The following ABR variants were observed in gnomAD, a reference collection of about 807,000 sequenced individuals.
The protein encoded by ABR is active breakpoint cluster region-related protein.
ABR carries 35 observed loss-of-function variants against 107.2 expected under a neutral mutation model. The ratio of observed to expected loss-of-function variants is 0.33; its 90% CI spans 0.25 to 0.43. The LOEUF is 0.43. Ranked by LOEUF, ABR falls within the 20% of genes least tolerant of loss-of-function variation. The pLI, the probability that ABR is intolerant of heterozygous loss-of-function variation, is 1.00. For missense variants in ABR, 815 were observed against 1,115.2 expected (o/e 0.73, Z 3.83); for synonymous variants, 498 against 462.0 (o/e 1.08, Z -1.00).
intron 1 of ABR, among the ~76,000 whole-genome samples, chr17:1,211,816 C>T (rs2042908087): frequency 6.6e-6 from 1 of 152,156 alleles, no homozygotes; most frequent in African/African-American, 2.4e-5. Flanking sequence ...CACGGTGGCT[C>T]ATGCCTGTAA....
intron 3 of ABR, among the ~76,000 whole-genome samples, chr17:1,099,468 A>G (rs1035915585): frequency 4.6e-5 from 7 of 151,978 alleles, no homozygotes; most frequent in African/African-American, 1.7e-4. Context: ...GTGTGACAAC[A>G]CCTCACGTCA....
In ABR at chr17:1,005,173, C is replaced by G. The variant is rs2069930348; in HGVS notation, c.*907G>C. ...CCTCCTCCCCCATTCTCTCCTGACC[C>G]TCTGGCTATCTCGATAGCAGGTCAC... On this transcript the variant is annotated 3_prime_UTR_variant, in exon 23 of 23. Coordinates refer to ENST00000302538, the MANE Select transcript of ABR (RefSeq NM_021962.5). 4 of 398,786 alleles carry G rather than the reference C, an allele frequency of 1.0e-5. No homozygotes were observed. In the South Asian group the frequency reaches 5.1e-4, roughly 51 times the overall value. The allele number at this position is 398,786 out of a possible 1,614,324, so 24.7% of individuals were successfully genotyped here.
chr17:1,137,714 A>AT (rs1228427239), intron 1 of ABR, among the ~76,000 whole-genome samples: 41 of 152,314 alleles, frequency 2.7e-4, no homozygotes, highest in Non-Finnish European at 5.6e-4. Context: ...GTGAAAAAAA[A>AT]CGCAGCATCT....
At chr17:1,186,553 G>A (rs965965461) in intron 1 of ABR, among the ~76,000 whole-genome samples, 2 of 152,210 alleles carry the variant, frequency 1.3e-5, no homozygotes, top group Non-Finnish European at 1.5e-5. Flanking sequence ...CCCAGGGGCC[G>A]AGTTGAAGCC....
intron 1 of ABR, among the ~76,000 whole-genome samples, chr17:1,195,092 G>A (rs1222662981): frequency 2.1e-5 from 3 of 145,352 alleles, no homozygotes; most frequent in Admixed American, 1.4e-4. Context: ...CGGATCACGA[G>A]GTCAGGAGAT....
chr17:1,036,110 G>A (rs920991453), intron 16 of ABR, among the ~76,000 whole-genome samples: 2 of 151,934 alleles, frequency 1.3e-5, no homozygotes, highest in African/African-American at 4.8e-5. Context: ...TTCCTGGAGT[G>A]ACCTCCTTTT....
chr17:1,145,778 T>C (rs991613382), intron 1 of ABR, among the ~76,000 whole-genome samples: 1 of 152,104 alleles, frequency 6.6e-6, no homozygotes, highest in Non-Finnish European at 1.5e-5. Flanking sequence ...CACCCCAGGG[T>C]GCCCTTCAAT....
chr17:1,224,616 C>T (rs1407202721), intron 1 of ABR, among the ~76,000 whole-genome samples: 2 of 152,318 alleles, frequency 1.3e-5, no homozygotes, highest in South Asian at 4.1e-4. Context: ...TCCTGCCCTG[C>T]TGCCTGAAAG....
At chr17:1,058,678 A>G in intron 11 of ABR, 67 bp downstream of exon 11, 1 of 1,578,112 alleles carries the variant, frequency 6.3e-7, no homozygotes, top group Non-Finnish European at 8.6e-7. Context: ...CAGGGCCAGG[A>G]GCCACAGAGT....
chr17:1,199,431 G>T (rs113088820), intron 1 of ABR, among the ~76,000 whole-genome samples: 1 of 151,086 alleles, frequency 6.6e-6, no homozygotes, highest in South Asian at 2.1e-4. Context: ...ACAGGATCTT[G>T]CTCTGTTCCC....
intron 4 of ABR, among the ~76,000 whole-genome samples, chr17:1,088,870 G>T (rs1490935609): frequency 6.7e-6 from 1 of 149,114 alleles, no homozygotes; most frequent in East Asian, 2.0e-4. Context: ...GGGATTATAA[G>T]CGTGAGCCAC....
chr17:1,201,012 G>A (rs970910877), intron 1 of ABR, among the ~76,000 whole-genome samples: 4 of 152,212 alleles, frequency 2.6e-5, no homozygotes, highest in Admixed American at 1.3e-4. Context: ...AACTAAGGAG[G>A]ATGGGGGGAG....
chr17:1,142,847 C>T (rs956917267), intron 1 of ABR, among the ~76,000 whole-genome samples: 3 of 152,188 alleles, frequency 2.0e-5, no homozygotes, highest in Non-Finnish European at 4.4e-5. Flanking sequence ...GTAGCAGCCA[C>T]TGGGAGCACA....
rs141202900 is a variant in ABR at position 1,134,078 on chromosome 17, G to A, written c.62-8711C>T. On this transcript the variant is annotated intron_variant, in intron 1 of 22. Transcript: ENST00000302538. ...GCAGATCACCTGAGGTCAGGAGTTC[G>A]AGACCAGCCTGGGCAAGATGGTGAA... Among the ~76,000 whole-genome samples the A allele has an allele frequency of 5.9e-5, 9 of 152,296 alleles. No homozygotes were observed. In the East Asian group the frequency reaches 1.3e-3, roughly 23 times the overall value.
At chr17:1,184,715 G>T (rs1355071339), upstream of ABR, among the ~76,000 whole-genome samples, 1 of 150,340 alleles carries the variant, frequency 6.7e-6, no homozygotes, top group Non-Finnish European at 1.5e-5. Context: ...AGTCTGGAGT[G>T]CAGTGGGCAT....
intron 16 of ABR, among the ~76,000 whole-genome samples, chr17:1,019,864 G>A (rs1209663377): frequency 2.0e-5 from 3 of 152,204 alleles, no homozygotes; most frequent in Admixed American, 1.3e-4. Flanking sequence ...GTACTTGGGG[G>A]ATGTCTGATC....
intron 1 of ABR, among the ~76,000 whole-genome samples, chr17:1,198,755 C>T (rs1413697226): frequency 6.6e-6 from 1 of 150,456 alleles, no homozygotes; most frequent in African/African-American, 2.5e-5. Flanking sequence ...CCTGCCTCAG[C>T]CTCTCCAGTA....
chr17:1,222,074 C>CTTTTT (rs1488404002), intron 1 of ABR, among the ~76,000 whole-genome samples: 4 of 144,784 alleles, frequency 2.8e-5, no homozygotes, highest in Non-Finnish European at 6.0e-5. Context: ...AGGATCCCAT[C>CTTTTT]TTTTTTTCTG....
At chr17:1,109,228 C>T (rs2038492351) in intron 2 of ABR, 27 of 984,424 alleles carry the variant, frequency 2.7e-5, no homozygotes, top group Non-Finnish European at 3.7e-5. Context: ...CCTAGTCCAG[C>T]CCGCTCCGCC....
Sources: allele counts gnomAD v4.1 joint callset (sites outside exome capture counted in the v4.1 genomes callset), GRCh38; gene constraint gnomAD v4.1.1; transcripts MANE v1.5; gene names NCBI Gene and HGNC (gene_info 2026-07-23, HGNC 2026-07-21).